Variants in LRRIQ1 observed in about 807,000 individuals in gnomAD.
The protein encoded by LRRIQ1 is leucine-rich repeat- and IQ domain-containing protein 1.
A neutral mutation model predicts 211.9 loss-of-function variants in LRRIQ1; 210 were observed. That is an observed-to-expected ratio of 0.99 (90% CI 0.89 to 1.11). The LOEUF (loss-of-function observed/expected upper bound fraction) is 1.11. LRRIQ1 is among the 50% of genes most tolerant of loss of function. The pLI is 0.00. For synonymous variants in LRRIQ1, 699 were observed against 650.1 expected, an observed-to-expected ratio of 1.08 and a Z score of -1.14; for missense variants, 2,136 against 1,939.5, an observed-to-expected ratio of 1.10 and a Z score of -1.90.
At position 85,087,599 on chromosome 12, in the gene LRRIQ1, G is replaced by A. The variant is rs898715183; in HGVS notation, c.2888-10756G>A. Among the ~76,000 whole-genome samples the A allele has an allele frequency of 2.6e-5, 4 of 152,106 alleles. No homozygotes were observed. In the East Asian group the frequency reaches 7.7e-4, roughly 29 times the overall value. On this transcript the variant is annotated intron_variant, in intron 11 of 26. Transcript: ENST00000393217. ...TTCCTGTTTCTCCACATCCTCTCCAGCACCTGTTGTTTCCTGACTTTTTAA... is the reference window on the plus strand; with the variant it reads ...TTCCTGTTTCTCCACATCCTCTCCAACACCTGTTGTTTCCTGACTTTTTAA...
intron 25 of LRRIQ1, 133 bp from the exon 26 acceptor site, chr12:85,232,563 C>A: frequency 1.5e-6 from 1 of 684,466 alleles, no homozygotes; most frequent in Non-Finnish European, 2.5e-6. Flanking sequence ...TTACTTATAA[C>A]CTAATTTAAG....
At chr12:85,104,720 G>A (rs944760994) in intron 14 of LRRIQ1, among the ~76,000 whole-genome samples, 1 of 151,894 alleles carries the variant, frequency 6.6e-6, no homozygotes, top group Non-Finnish European at 1.5e-5. Flanking sequence ...ATTGTTTGTG[G>A]TTGGGGGTTT....
At chr12:85,208,201 G>T (rs1453057635) in intron 24 of LRRIQ1, among the ~76,000 whole-genome samples, 1 of 150,424 alleles carries the variant, frequency 6.6e-6, no homozygotes, top group Non-Finnish European at 1.5e-5. Flanking sequence ...AATATCCATT[G>T]TCAAAAAAAA....
intron 11 of LRRIQ1, among the ~76,000 whole-genome samples, chr12:85,079,499 A>G (rs1473559737): frequency 6.6e-6 from 1 of 152,034 alleles, no homozygotes; most frequent in East Asian, 1.9e-4. Flanking sequence ...CTGGGATTAC[A>G]GGTGTAAGAG....
At chr12:85,078,781 C>A (rs1164705417) in intron 11 of LRRIQ1, among the ~76,000 whole-genome samples, 2 of 152,004 alleles carry the variant, frequency 1.3e-5, no homozygotes, top group East Asian at 3.9e-4. Context: ...GAGGACCTCT[C>A]TCAAATAACT....
At chr12:85,210,776 A>C (rs1338130852) in intron 24 of LRRIQ1, among the ~76,000 whole-genome samples, 3 of 151,852 alleles carry the variant, frequency 2.0e-5, no homozygotes, top group Non-Finnish European at 4.4e-5. Flanking sequence ...TTTTTAAAAA[A>C]TGTTTGTTTG....
At chr12:85,252,995 A>T (rs575370289) in intron 1 of LRRIQ1, among the ~76,000 whole-genome samples, 1 of 152,104 alleles carries the variant, frequency 6.6e-6, no homozygotes, top group South Asian at 2.1e-4. Context: ...CAGTTTTTTT[A>T]AAGTAGAGCT....
chr12:85,258,871 C>T (rs1367856781), intron 1 of LRRIQ1, among the ~76,000 whole-genome samples: 1 of 151,846 alleles, frequency 6.6e-6, no homozygotes, highest in Non-Finnish European at 1.5e-5. Flanking sequence ...CATGAAATTC[C>T]TATTTTGACC....
downstream of LRRIQ1, among the ~76,000 whole-genome samples, chr12:85,267,182 A>C (rs1565935524): frequency 6.6e-6 from 1 of 152,134 alleles, no homozygotes; most frequent in East Asian, 1.9e-4. Context: ...ATAGATCTAG[A>C]TCAGCATTGT....
chr12:85,088,279 G>A (rs944281888), intron 11 of LRRIQ1, among the ~76,000 whole-genome samples: 1 of 151,972 alleles, frequency 6.6e-6, no homozygotes, highest in Admixed American at 6.6e-5. Flanking sequence ...TATTTCTGAG[G>A]GCTCTGTTCT....
intron 24 of LRRIQ1, among the ~76,000 whole-genome samples, chr12:85,198,017 ATATT>A (rs1565898622): frequency 1.6e-3 from 96 of 58,872 alleles, no homozygotes; most frequent in African/African-American, 5.4e-3. Flanking sequence ...ATAATATATT[ATATT>A]ATTATATATA....
chr12:85,130,072 A>T (rs548696375), intron 18 of LRRIQ1, among the ~76,000 whole-genome samples: 4 of 152,326 alleles, frequency 2.6e-5, no homozygotes, highest in African/African-American at 9.6e-5. Context: ...AAATTCAGAA[A>T]AAAAGAAATT....
intron 10 of LRRIQ1, among the ~76,000 whole-genome samples, chr12:85,072,245 G>A (rs952769586): frequency 1.5e-4 from 22 of 151,332 alleles, no homozygotes; most frequent in African/African-American, 5.3e-4. Flanking sequence ...ATTTTTTTTG[G>A]TGATTCTTTT....
chr12:85,078,714 A>C (rs535200985), intron 11 of LRRIQ1, among the ~76,000 whole-genome samples: 21 of 152,222 alleles, frequency 1.4e-4, no homozygotes, highest in African/African-American at 4.6e-4. Context: ...TGTGTCTTAT[A>C]TAATTAAACG....
chr12:85,127,249 C>A (rs904461978), intron 17 of LRRIQ1, among the ~76,000 whole-genome samples: 2 of 152,182 alleles, frequency 1.3e-5, no homozygotes, highest in African/African-American at 4.8e-5. Context: ...TAACATTGAT[C>A]CATTCAGTGC....
chr12:85,231,335 A>G (rs1354852255), intron 25 of LRRIQ1, among the ~76,000 whole-genome samples: 1 of 152,206 alleles, frequency 6.6e-6, no homozygotes, highest in Non-Finnish European at 1.5e-5. Flanking sequence ...GATCTGAATT[A>G]TGTCAGATTG....
intron 13 of LRRIQ1, among the ~76,000 whole-genome samples, chr12:85,102,959 A>AAATATATATATATAT (rs1458673370): frequency 5.5e-5 from 6 of 108,464 alleles, no homozygotes; most frequent in African/African-American, 2.1e-4. Flanking sequence ...AAAAAAAAAA[A>AAATATATATATATAT]ATATATATAT....
At chr12:85,249,581 CATT>C (rs1249422433), downstream of LRRIQ1, among the ~76,000 whole-genome samples, 2 of 151,614 alleles carry the variant, frequency 1.3e-5, no homozygotes, top group Admixed American at 6.6e-5. Flanking sequence ...TTCCACAAGC[CATT>C]AAGAAAATAT....
At chr12:85,125,484 A>G (rs373766060) in intron 17 of LRRIQ1, among the ~76,000 whole-genome samples, 5 of 152,150 alleles carry the variant, frequency 3.3e-5, no homozygotes, top group East Asian at 3.9e-4. Flanking sequence ...GAGTCAAGCT[A>G]AGAAAAGAAA....
Sources: allele counts gnomAD v4.1 joint callset (sites outside exome capture counted in the v4.1 genomes callset), GRCh38; gene constraint gnomAD v4.1.1; transcripts MANE v1.5; gene names NCBI Gene and HGNC (gene_info 2026-07-23, HGNC 2026-07-21).